MAD1L1: variants seen among roughly 807,000 people sequenced by gnomAD.
MAD1L1 encodes the protein mitotic spindle assembly checkpoint protein MAD1.
A neutral mutation model predicts 96.9 loss-of-function variants in MAD1L1; 95 were observed. The ratio of observed to expected loss-of-function variants is 0.98; its 90% CI spans 0.83 to 1.16. MAD1L1 has a LOEUF of 1.16. MAD1L1 is among the 50% of genes most tolerant of loss of function. The pLI, the probability that MAD1L1 is intolerant of heterozygous loss-of-function variation, is 0.00. For missense variants in MAD1L1, 1,007 were observed against 954.4 expected (o/e 1.06, Z -0.73); for synonymous variants, 473 against 396.6 (o/e 1.19, Z -2.29).
intron 13 of MAD1L1, among the ~76,000 whole-genome samples, chr7:2,009,538 C>G (rs1177496819): frequency 6.6e-6 from 1 of 152,228 alleles, no homozygotes; most frequent in Non-Finnish European, 1.5e-5. Context: ...AGGGTCCCCA[C>G]AGGGCTAACC....
At chr7:1,893,356 C>T (rs1377967073) in intron 18 of MAD1L1, among the ~76,000 whole-genome samples, 1 of 152,206 alleles carries the variant, frequency 6.6e-6, no homozygotes, top group African/African-American at 2.4e-5. Context: ...CAGCACACAT[C>T]TGTGGAACCC....
chr7:1,839,663 T>A (rs1783136020), intron 18 of MAD1L1, among the ~76,000 whole-genome samples: 2 of 152,176 alleles, frequency 1.3e-5, no homozygotes, highest in Admixed American at 1.3e-4. Context: ...TGGGAGGCAG[T>A]GGACCAGATA....
At chr7:1,951,248 CAG>C (rs888015703) in intron 16 of MAD1L1, among the ~76,000 whole-genome samples, 2 of 152,260 alleles carry the variant, frequency 1.3e-5, no homozygotes, top group Non-Finnish European at 2.9e-5. Context: ...CAGGAGGCCT[CAG>C]GGGCTCAGGC....
At chr7:2,065,938 G>A (rs1392570460) in intron 12 of MAD1L1, among the ~76,000 whole-genome samples, 2 of 152,240 alleles carry the variant, frequency 1.3e-5, no homozygotes, top group Admixed American at 1.3e-4. Context: ...TACTGCGGAA[G>A]CTTGGGGCAC....
chr7:1,841,102 G>A (rs2128632495), intron 18 of MAD1L1, among the ~76,000 whole-genome samples: 1 of 152,350 alleles, frequency 6.6e-6, no homozygotes, highest in Non-Finnish European at 1.5e-5. Context: ...GGCAGGTGCG[G>A]CTCTGGGGGT....
At chr7:1,888,012 C>CGT (rs1554284241) in intron 18 of MAD1L1, among the ~76,000 whole-genome samples, 1 of 147,944 alleles carries the variant, frequency 6.8e-6, no homozygotes, top group Non-Finnish European at 1.5e-5. Flanking sequence ...GCTGCCTGTA[C>CGT]GTGTGTGTGC....
At chr7:1,955,070 C>T (rs191978875) in intron 16 of MAD1L1, among the ~76,000 whole-genome samples, 1 of 152,236 alleles carries the variant, frequency 6.6e-6, no homozygotes, top group Non-Finnish European at 1.5e-5. Context: ...GGCAGCGGCA[C>T]TCGCGCCCAG....
intron 12 of MAD1L1, among the ~76,000 whole-genome samples, chr7:2,037,569 C>T (rs954287509): frequency 1.1e-4 from 16 of 152,214 alleles, no homozygotes; most frequent in African/African-American, 3.9e-4. Context: ...GATCTTACTA[C>T]TGTCATTGAT....
intron 18 of MAD1L1, among the ~76,000 whole-genome samples, chr7:1,836,295 C>T (rs544184701): frequency 6.6e-6 from 1 of 152,298 alleles, no homozygotes; most frequent in East Asian, 1.9e-4. Flanking sequence ...GCTGGGATTA[C>T]AGGCATGAGC....
chr7:2,161,547 C>T (rs993820878), intron 10 of MAD1L1, among the ~76,000 whole-genome samples: 9 of 152,122 alleles, frequency 5.9e-5, no homozygotes, highest in African/African-American at 2.2e-4. Context: ...AAGTGAGGAG[C>T]GTCTCTGACC....
chr7:2,049,008 T>C (rs1484357019), intron 12 of MAD1L1, among the ~76,000 whole-genome samples: 3 of 152,382 alleles, frequency 2.0e-5, no homozygotes, highest in East Asian at 3.9e-4. Context: ...CACCTTAGAA[T>C]AGAACTAACC....
intron 11 of MAD1L1, among the ~76,000 whole-genome samples, chr7:2,105,171 G>T (rs982907844): frequency 6.6e-6 from 1 of 152,030 alleles, no homozygotes; most frequent in Admixed American, 6.5e-5. Flanking sequence ...ACACCGCACC[G>T]TCCTGCTTGG....
intron 11 of MAD1L1, chr7:2,107,598 T>G (rs1787168123): frequency 6.6e-6 from 1 of 152,392 alleles, no homozygotes; most frequent in Non-Finnish European, 1.5e-5. Context: ...AGCTCGTCTG[T>G]CCCGCTTGGT....
At chr7:1,977,144 C>G (rs112351220) in intron 15 of MAD1L1, among the ~76,000 whole-genome samples, 4,977 of 152,344 alleles carry the variant, frequency 0.033, 180 homozygotes, top group Admixed American at 0.097. Flanking sequence ...TCAATAGGAC[C>G]AGGCGCCGCA....
chr7:1,909,011 G>A (rs984703017), intron 17 of MAD1L1, among the ~76,000 whole-genome samples: 2 of 152,206 alleles, frequency 1.3e-5, no homozygotes, highest in Admixed American at 1.3e-4. Flanking sequence ...CTCTAGGATG[G>A]GTCTGATGGG....
chr7:1,873,980 G>A (rs1785243201), intron 18 of MAD1L1, among the ~76,000 whole-genome samples: 1 of 151,840 alleles, frequency 6.6e-6, no homozygotes, highest in South Asian at 2.1e-4. Flanking sequence ...CCCCACGCCA[G>A]GGTCAGTTCC....
At chr7:1,849,799 T>TGGCAGGGGCAGC (rs71548207) in intron 18 of MAD1L1, 1 of 151,678 alleles carries the variant, frequency 6.6e-6, no homozygotes, top group Non-Finnish European at 1.5e-5. Flanking sequence ...GACCCCGCAG[T>TGGCAGGGGCAGC]GGCAGCGGCA....
At chr7:1,886,140 G>A (rs903879826) in intron 18 of MAD1L1, among the ~76,000 whole-genome samples, 4 of 152,232 alleles carry the variant, frequency 2.6e-5, no homozygotes, top group African/African-American at 9.6e-5. Context: ...GTGAGGGCCA[G>A]GTTCACTTCT....
At chr7:2,087,218 C>T (rs1211914954) in intron 11 of MAD1L1, among the ~76,000 whole-genome samples, 1 of 152,176 alleles carries the variant, frequency 6.6e-6, no homozygotes, top group Non-Finnish European at 1.5e-5. Context: ...AGCCACACAC[C>T]TCAAAGTGAA....
Sources: gnomAD v4.1 joint callset for allele counts (sites outside exome capture counted in the v4.1 genomes callset) on GRCh38, gnomAD v4.1.1 for gene constraint, MANE v1.5 for transcripts, NCBI Gene and HGNC (gene_info 2026-07-23, HGNC 2026-07-21) for gene names.